The following ZNHIT2 variants were observed in gnomAD, a reference collection of about 807,000 sequenced individuals.
ZNHIT2 encodes zinc finger HIT domain-containing protein 2.
A neutral mutation model predicts 18.0 loss-of-function variants in ZNHIT2; 16 were observed. That is an observed-to-expected ratio of 0.89 (90% confidence interval 0.60 to 1.35). The LOEUF (loss-of-function observed/expected upper bound fraction) is 1.35. Ranked by LOEUF, ZNHIT2 falls within the 40% of genes most tolerant of loss-of-function variation. The probability of loss-of-function intolerance (pLI) is 0.00; values close to 1 mark genes in which losing one functional copy is unlikely to be tolerated. For synonymous variants in ZNHIT2, 336 were observed against 269.8 expected (o/e 1.25, Z -2.41); for missense variants, 631 against 566.4 (o/e 1.11, Z -1.16).
At position 65,117,342 on chromosome 11, in the gene ZNHIT2, C is replaced by A. The variant is rs765505723; in HGVS notation, c.312G>T (p.Pro104=). Residue 104 remains proline, a synonymous_variant, in exon 1 of 1, where the codon CCG becomes CCT. Transcript: ENST00000310597. ...GLSGLWERLA[P]GEKAAFERLL... ...GCCGCTCGAAGGCAGCTTTTTCGCC[C>A]GGCGCCAGCCGCTCCCAGAGTCCCG... 2.0e-6 allele frequency: 3 copies of A among 1,496,832 alleles called. No homozygotes were observed. The highest frequency in any genetic ancestry group is 2.5e-5 in the Admixed American group (1 of 40,770). 92.7% of individuals were successfully genotyped at this position (1,496,832 alleles called of 1,614,324 possible).
rs777487612 is a variant in ZNHIT2, at chr11:65,116,648, C to A, written c.1006G>T (p.Ala336Ser). 2 of 1,614,094 alleles carry A rather than the reference C, an allele frequency of 1.2e-6. No individual in the cohort carries two copies. Among genetic ancestry groups the A allele is most frequent in the Admixed American group, 3.3e-5 (2 of 60,032 alleles). ...AGGAGGAACTGGCACTTTTTCCGGGCCCGGTAAAGATGATCTCGCTCTTCT... is the reference window on the plus strand; with the variant it reads ...AGGAGGAACTGGCACTTTTTCCGGGACCGGTAAAGATGATCTCGCTCTTCT... ...AREERDHLYR[A>S]RKKCQFLLAW... The change falls in exon 1 of 1, where the codon GCC becomes TCC. Residue 336 changes from alanine to serine, a missense_variant. Transcript: ENST00000310597.
rs773473441 is a variant in ZNHIT2 at position 65,116,805 on chromosome 11, TGTGCCCAGGGGCCCCGGCGG to T, written c.829_848del (p.Pro277ThrfsTer44). The stretch of plus-strand genomic sequence containing the variant: ...GGGCGACCTCGTGCATAGCCCCTCG[TGTGCCCAGGGGCCCCGGCGG>T]GTGCTCGCCTGCTTCCAGCACGTGG... On this transcript the variant is annotated frameshift_variant, in exon 1 of 1. Coordinates refer to ENST00000310597, the MANE Select transcript of ZNHIT2 (RefSeq NM_014205.4). LOFTEE classifies it high-confidence loss of function. The T allele has an allele frequency of 1.9e-6, 3 of 1,609,640 alleles. No homozygotes were observed. In the Admixed American group the frequency reaches 5.0e-5, roughly 27 times the overall value.
Position 65,117,282 on chromosome 11 carries a change from A to G in ZNHIT2, c.372T>C (p.Pro124=). The change falls in exon 1 of 1, where the codon CCT becomes CCC. Residue 124 remains proline, a synonymous_variant. Transcript: ENST00000310597. ...LSRGEAGRLL[P]PWRPWWWNRG... is the part of the protein sequence containing the mutation. ...GGTTCCACCACCACGGCCGCCATGGAGGCAGCAGCCGCCCGGCCTCACCGC... is the reference window on the plus strand; with the variant it reads ...GGTTCCACCACCACGGCCGCCATGGGGGCAGCAGCCGCCCGGCCTCACCGC... 6.7e-7 allele frequency: 1 copy of G among 1,489,228 alleles called. No individual in the cohort carries two copies. Among genetic ancestry groups the G allele is most frequent in the Non-Finnish European group, 8.8e-7 (1 of 1,130,000 alleles). The allele number at this position is 1,489,228 out of a possible 1,614,324, so 92.3% of individuals were successfully genotyped here. A position where few individuals can be genotyped will look rare whatever the true frequency, so the allele number is the denominator to read the frequency against.
chr11:65,116,862 C>G lies in ZNHIT2; in HGVS notation c.792G>C (p.Leu264=), dbSNP rs374667547. The change falls in exon 1 of 1, where the codon CTG becomes CTC. Residue 264 remains leucine (L), a synonymous_variant. Transcript: ENST00000310597. ...QQVFASAEEA[L]QAAAHVLEAG... ...CTTCCAGCACGTGGGCTGCCGCCTG[C>G]AGGGCTTCTTCCGCAGAGGCGAAGA... 6.9e-6 allele frequency: 11 copies of G among 1,604,938 alleles called. No individual in the cohort carries two copies. The highest frequency in any genetic ancestry group is 9.3e-6 in the Non-Finnish European group (11 of 1,178,706).
At position 65,117,104 on chromosome 11, in the gene ZNHIT2, C is replaced by T; in HGVS notation, c.550G>A (p.Val184Ile). The change falls in exon 1 of 1, where the codon GTC becomes ATC. Residue 184 changes from valine to isoleucine, a missense_variant. Coordinates refer to ENST00000310597, the MANE Select transcript of ZNHIT2 (RefSeq NM_014205.4). ...ACGACGGGCGTGCAGGCCCCCGGGA[C>T]ATCTCCAAGAACCCGCTCGGCGGCC... ...PAAAERVLGD[V>I]PGACTPVVPT... 6.3e-7 allele frequency: 1 copy of T among 1,591,666 alleles called. No homozygotes were observed. The highest frequency in any genetic ancestry group is 8.5e-7 in the Non-Finnish European group (1 of 1,171,806).
Position 65,117,658 on chromosome 11 carries a change from A to G in ZNHIT2, c.-5T>C. On this transcript the variant is annotated 5_prime_UTR_variant, in exon 1 of 1. Transcript: ENST00000310597. ...ACAGGGCCCGGCCGGCTCCATGGCAACTGGCACCGCGATCTACCTGCGAAC... is the reference window on the plus strand; with the variant it reads ...ACAGGGCCCGGCCGGCTCCATGGCAGCTGGCACCGCGATCTACCTGCGAAC... The G allele has an allele frequency of 7.2e-7, 1 of 1,380,896 alleles. No homozygotes were observed. The highest frequency in any genetic ancestry group is 9.4e-7 in the Non-Finnish European group (1 of 1,069,270). 85.5% of individuals were successfully genotyped at this position (1,380,896 alleles called of 1,614,324 possible).
Position 65,116,766 on chromosome 11 carries a change from G to A in ZNHIT2, c.888C>T (p.Gly296=), listed in dbSNP as rs781679457. 3 of 1,608,126 alleles carry A rather than the reference G, an allele frequency of 1.9e-6. No individual in the cohort carries two copies. Among genetic ancestry groups the A allele is most frequent in the Non-Finnish European group, 1.7e-6 (2 of 1,175,868 alleles). The change falls in exon 1 of 1, where the codon GGC becomes GGT. Residue 296 remains glycine, a synonymous_variant. Transcript: ENST00000310597. ...AGCCTTTCTGGTTGGTCGGGCCCTC[G>A]CCCAGCAGGATGCGGGCGACCTCGT... is the stretch of plus-strand genomic sequence containing the variant. ...AMHEVARILL[G]EGPTNQKGYT...
At position 65,117,320 on chromosome 11, in the gene ZNHIT2, G is replaced by A. The variant is rs1948003662; in HGVS notation, c.334C>T (p.Arg112Trp). ...CCGGCCTCACCGCGGCTCAGCAGCC[G>A]CTCGAAGGCAGCTTTTTCGCCCGGC... ...LAPGEKAAFERLLSRGEAGRL... is the reference protein window; with the variant it reads ...LAPGEKAAFEWLLSRGEAGRL... Residue 112 changes from arginine (R) to tryptophan (W), a missense_variant, in exon 1 of 1, where the codon CGG becomes TGG. Physicochemically the swap from Arg to Trp is moderately radical, Grantham distance 101. Coordinates refer to ENST00000310597, the MANE Select transcript of ZNHIT2 (RefSeq NM_014205.4). 1 of 1,497,264 alleles carries A rather than the reference G, an allele frequency of 6.7e-7. No homozygotes were observed. Among genetic ancestry groups the A allele is most frequent in the Non-Finnish European group, 8.8e-7 (1 of 1,135,980 alleles). The allele number at this position is 1,497,264 out of a possible 1,614,324, so 92.7% of individuals were successfully genotyped here.
rs951694047 is a variant in ZNHIT2, at chr11:65,117,303, A to C, written c.351T>G (p.Gly117=). 4 of 1,486,816 alleles carry C rather than the reference A, an allele frequency of 2.7e-6. No individual in the cohort carries two copies. The highest frequency in any genetic ancestry group is 2.7e-5 in the South Asian group (2 of 73,940). The allele number at this position is 1,486,816 out of a possible 1,614,324, so 92.1% of individuals were successfully genotyped here. Residue 117 remains glycine, a synonymous_variant, in exon 1 of 1, where the codon GGT becomes GGG. Coordinates refer to ENST00000310597, the MANE Select transcript of ZNHIT2 (RefSeq NM_014205.4). The stretch of plus-strand genomic sequence containing the variant: ...ATGGAGGCAGCAGCCGCCCGGCCTC[A>C]CCGCGGCTCAGCAGCCGCTCGAAGG... ...KAAFERLLSR[G]EAGRLLPPWR...
rs559096123 is a variant in ZNHIT2 at position 65,117,134 on chromosome 11, G to C, written c.520C>G (p.Pro174Ala). ...DSVKDASAAEPAAAERVLGDV... is the reference protein window; with the variant it reads ...DSVKDASAAEAAAAERVLGDV... Reference sequence around the variant, plus strand: ...CCAAGAACCCGCTCGGCGGCCGCGGGCTCCGCGGCGGAGGCATCTTTCACA... The same window carrying C: ...CCAAGAACCCGCTCGGCGGCCGCGGCCTCCGCGGCGGAGGCATCTTTCACA... The change falls in exon 1 of 1, where the codon CCC becomes GCC. Residue 174 changes from proline to alanine, a missense_variant. Transcript: ENST00000310597. 1.5e-5 allele frequency: 24 copies of C among 1,580,392 alleles called. No homozygotes were observed. The highest frequency in any genetic ancestry group is 1.8e-5 in the Non-Finnish European group (21 of 1,166,466).
At position 65,117,693 on chromosome 11, in the gene ZNHIT2, T is replaced by A. The variant is rs756453976; in HGVS notation, c.-40A>T. ...CGATCTACCTGCGAACGCACGCCGG[T>A]GGTAGTTCGAAACTTCCGGGGCTTC... On this transcript the variant is annotated 5_prime_UTR_variant, in exon 1 of 1. Transcript: ENST00000310597. 7.4e-7 allele frequency: 1 copy of A among 1,356,808 alleles called. No individual in the cohort carries two copies. Among genetic ancestry groups the A allele is most frequent in the Non-Finnish European group, 9.5e-7 (1 of 1,057,656 alleles). 84.0% of individuals were successfully genotyped at this position (1,356,808 alleles called of 1,614,324 possible).
chr11:65,116,897 C>A lies in ZNHIT2; in HGVS notation c.757G>T (p.Ala253Ser), dbSNP rs764005131. 5 of 1,598,318 alleles carry A rather than the reference C, an allele frequency of 3.1e-6. No individual in the cohort carries two copies. Among genetic ancestry groups the A allele is most frequent in the Admixed American group, 1.7e-5 (1 of 59,540 alleles). Residue 253 changes from alanine to serine, a missense_variant, in exon 1 of 1, where the codon GCC (alanine) becomes TCC (serine). Physicochemically the swap from Ala to Ser is moderately conservative, Grantham distance 99. Transcript: ENST00000310597. The stretch of plus-strand genomic sequence containing the variant: ...TCCGCAGAGGCGAAGACTTGCTGGG[C>A]ACCCAGGGCTCCGGAAACGCCGAGC... Reference protein sequence around the residue: ...TLLGVSGALGAQQVFASAEEA... With the variant: ...TLLGVSGALGSQQVFASAEEA...
Position 65,116,554 on chromosome 11 carries a change from G to A in ZNHIT2, c.1100C>T (p.Ala367Val). The A allele has an allele frequency of 6.4e-7, 1 of 1,571,034 alleles. No homozygotes were observed. The highest frequency in any genetic ancestry group is 1.8e-5 in the Admixed American group (1 of 57,020). ...CACCTCCTCGGCTACCACAGCATGG[G>A]CTTGGTGAGCCCTGGCGCAGTCTAG... ...LALDCARAHQ[A>V]HAVVAEEVAA... The change falls in exon 1 of 1, where the codon GCC (alanine) becomes GTC (valine). Residue 367 changes from alanine (A) to valine (V), a missense_variant. By Grantham distance (64) the Ala-to-Val change is moderately conservative. Coordinates refer to ENST00000310597, the MANE Select transcript of ZNHIT2 (RefSeq NM_014205.4).
At position 65,117,168 on chromosome 11, in the gene ZNHIT2, C is replaced by T. The variant is rs769904426; in HGVS notation, c.486G>A (p.Pro162=). The T allele has an allele frequency of 4.5e-5, 71 of 1,565,670 alleles. No individual in the cohort carries two copies. Among genetic ancestry groups the T allele is most frequent in the Non-Finnish European group, 5.7e-5 (66 of 1,161,038 alleles). Reference sequence around the variant, plus strand: ...CGGAGGCATCTTTCACAGAATCCGGCGGGGTCCTCGCAGGGGCGAGCTCCA... The same window carrying T: ...CGGAGGCATCTTTCACAGAATCCGGTGGGGTCCTCGCAGGGGCGAGCTCCA... The part of the protein sequence containing the change: ...AELELAPART[P]PDSVKDASAA... Residue 162 remains proline, a synonymous_variant, in exon 1 of 1, where the codon CCG becomes CCA. Coordinates refer to ENST00000310597, the MANE Select transcript of ZNHIT2 (RefSeq NM_014205.4).
rs759985436 is a variant in ZNHIT2, at chr11:65,117,491, G to T, written c.163C>A (p.Arg55Ser). ...CGGCTGGGAGGAGCGCTGCAACCGC[G>T]GAGCTCTCCCAGCACCTGGTCACGG... is the stretch of plus-strand genomic sequence containing the variant. The part of the protein sequence containing the change: ...FYRDQVLGEL[R>S]GCSAPPSRLA... Residue 55 changes from arginine (R) to serine (S), a missense_variant, in exon 1 of 1, where the codon CGC (arginine) becomes AGC (serine). Transcript: ENST00000310597. 1 of 1,576,478 alleles carries T rather than the reference G, an allele frequency of 6.3e-7. No homozygotes were observed. The highest frequency in any genetic ancestry group is 8.5e-7 in the Non-Finnish European group (1 of 1,170,276).
Position 65,117,632 on chromosome 11 carries a change from C to T in ZNHIT2, c.22G>A (p.Gly8Ser). 1 of 1,479,234 alleles carries T rather than the reference C, an allele frequency of 6.8e-7. No homozygotes were observed. The allele number at this position is 1,479,234 out of a possible 1,614,324, so 91.6% of individuals were successfully genotyped here. The part of the protein sequence containing the change: MEPAGPC[G>S]FCPAGEVQPA... The stretch of plus-strand genomic sequence containing the variant: ...TGGACCTCCCCCGCCGGGCAGAAGC[C>T]ACAGGGCCCGGCCGGCTCCATGGCA... Residue 8 changes from glycine (G) to serine (S), a missense_variant, in exon 1 of 1, where the codon GGC becomes AGC. Gly to Ser is a moderately conservative substitution (Grantham distance 56). Coordinates refer to ENST00000310597, the MANE Select transcript of ZNHIT2 (RefSeq NM_014205.4).
At position 65,117,333 on chromosome 11, in the gene ZNHIT2, T is replaced by C. The variant is rs962093979; in HGVS notation, c.321A>G (p.Lys107=). ...GGCTCAGCAGCCGCTCGAAGGCAGCTTTTTCGCCCGGCGCCAGCCGCTCCC... is the reference window on the plus strand; with the variant it reads ...GGCTCAGCAGCCGCTCGAAGGCAGCCTTTTCGCCCGGCGCCAGCCGCTCCC... The part of the protein sequence containing the change: ...GLWERLAPGE[K]AAFERLLSRG... The change falls in exon 1 of 1, where the codon AAA becomes AAG. Residue 107 remains lysine, a synonymous_variant. Transcript: ENST00000310597. The C allele has an allele frequency of 1.1e-5, 16 of 1,505,890 alleles. No individual in the cohort carries two copies. Among genetic ancestry groups the C allele is most frequent in the Non-Finnish European group, 1.3e-5 (15 of 1,139,880 alleles). The allele number at this position is 1,505,890 out of a possible 1,614,324, so 93.3% of individuals were successfully genotyped here.
At position 65,116,795 on chromosome 11, in the gene ZNHIT2, T is replaced by C. The variant is rs1947993125; in HGVS notation, c.859A>G (p.Met287Val). ...AGCAGGATGCGGGCGACCTCGTGCA[T>C]AGCCCCTCGTGTGCCCAGGGGCCCC... ...PPGPLGTRGA[M>V]HEVARILLGE... The change falls in exon 1 of 1, where the codon ATG becomes GTG. Residue 287 changes from methionine to valine, a missense_variant. Transcript: ENST00000310597. The C allele has an allele frequency of 6.2e-7, 1 of 1,609,096 alleles. No individual in the cohort carries two copies. The highest frequency in any genetic ancestry group is 8.5e-7 in the Non-Finnish European group (1 of 1,177,284).
chr11:65,116,937 G>A lies in ZNHIT2; in HGVS notation c.717C>T (p.Asp239=), dbSNP rs755506605. The change falls in exon 1 of 1, where the codon GAC becomes GAT. Residue 239 remains aspartate (D), a synonymous_variant. Transcript: ENST00000310597. ...YHGGDDALLS[D]FCATLLGVSG... ...AAACGCCGAGCAGTGTGGCACAGAAGTCAGAGAGCAGCGCGTCGTCACCGC... is the reference window on the plus strand; with the variant it reads ...AAACGCCGAGCAGTGTGGCACAGAAATCAGAGAGCAGCGCGTCGTCACCGC... 2.5e-6 allele frequency: 4 copies of A among 1,597,678 alleles called. No homozygotes were observed. Among genetic ancestry groups the A allele is most frequent in the Non-Finnish European group, 3.4e-6 (4 of 1,176,512 alleles).
Sources: gnomAD v4.1 joint callset for allele counts on GRCh38, gnomAD v4.1.1 for gene constraint, MANE v1.5 for transcripts, NCBI Gene and HGNC (gene_info 2026-07-23, HGNC 2026-07-21) for gene names.